MYO1B: variants seen among roughly 807,000 people sequenced by gnomAD.
MYO1B encodes myosin IB.
Under a neutral mutation model 159.7 loss-of-function variants are expected in MYO1B, and 72 were observed. The ratio of observed to expected loss-of-function variants is 0.45; its 90% CI spans 0.37 to 0.55. The LOEUF (loss-of-function observed/expected upper bound fraction) is 0.55. Ranked by LOEUF, MYO1B falls within the 20% of genes least tolerant of loss-of-function variation. The probability of loss-of-function intolerance (pLI) is 0.00; values close to 1 mark genes in which losing one functional copy is unlikely to be tolerated. For synonymous variants in MYO1B, 468 were observed against 473.8 expected (o/e 0.99, Z 0.16); for missense variants, 1,062 against 1,364.8 (o/e 0.78, Z 3.50).
chr2:191,369,361 G>A (rs1018685566), intron 11 of MYO1B, among the ~76,000 whole-genome samples, 181 bp from the exon 12 acceptor site: 1 of 152,166 alleles, frequency 6.6e-6, no homozygotes, highest in Non-Finnish European at 1.5e-5. Context: ...GTGTAACTGT[G>A]TATAAACAAT....
chr2:191,369,043 A>G (rs952667239), intron 11 of MYO1B, among the ~76,000 whole-genome samples: 1 of 152,166 alleles, frequency 6.6e-6, no homozygotes, highest in Non-Finnish European at 1.5e-5. Flanking sequence ...AGTCAAAGCC[A>G]TTTTCATATA....
intron 21 of MYO1B, among the ~76,000 whole-genome samples, chr2:191,398,824 G>A (rs1284559217): frequency 6.6e-6 from 1 of 151,696 alleles, no homozygotes; most frequent in African/African-American, 2.4e-5. Context: ...CCAGACGATG[G>A]GCGGCCAGGC....
chr2:191,328,181 T>C (rs1691226742), intron 3 of MYO1B, among the ~76,000 whole-genome samples: 1 of 152,174 alleles, frequency 6.6e-6, no homozygotes. Context: ...TTAAGTCCAA[T>C]TGTGAATCCT....
rs757408431 is a variant in MYO1B at position 191,277,042 on chromosome 2, C to G, written c.135+12C>G. On this transcript the variant is annotated intron_variant, in intron 2 of 30. Transcript: ENST00000392318. ...ACAGTGAAATATACGTAAGTACACACGAAGGTCATCTGTAATGTTTAGACT... is the reference window on the plus strand; with the variant it reads ...ACAGTGAAATATACGTAAGTACACAGGAAGGTCATCTGTAATGTTTAGACT... 6.2e-7 allele frequency: 1 copy of G among 1,611,422 alleles called. No homozygotes were observed. The highest frequency in any genetic ancestry group is 1.1e-5 in the South Asian group (1 of 90,550).
chr2:191,348,024 G>A (rs775791562), intron 6 of MYO1B, among the ~76,000 whole-genome samples: 2 of 152,088 alleles, frequency 1.3e-5, no homozygotes, highest in African/African-American at 2.4e-5. Flanking sequence ...CACAGTGTCC[G>A]CTCCCCACCA....
intron 1 of MYO1B, among the ~76,000 whole-genome samples, chr2:191,260,278 T>G (rs1389408648): frequency 6.8e-6 from 1 of 148,012 alleles, no homozygotes; most frequent in African/African-American, 2.5e-5. Flanking sequence ...GAATTAAAGC[T>G]ATATAGAAGT....
chr2:191,395,863 C>G (rs759321021), intron 20 of MYO1B, among the ~76,000 whole-genome samples: 4 of 152,234 alleles, frequency 2.6e-5, no homozygotes, highest in African/African-American at 9.6e-5. Flanking sequence ...CAGTCAGATG[C>G]ACATTTATAT....
chr2:191,327,628 A>G (rs886981510), intron 3 of MYO1B, among the ~76,000 whole-genome samples: 4 of 152,276 alleles, frequency 2.6e-5, no homozygotes, highest in East Asian at 3.9e-4. Context: ...CCATTATGCA[A>G]TGGTGCACAG....
chr2:191,404,604 GAT>G (rs1696802052), intron 24 of MYO1B, among the ~76,000 whole-genome samples: 1 of 152,120 alleles, frequency 6.6e-6, no homozygotes, highest in Non-Finnish European at 1.5e-5. Context: ...ATACCTCAGA[GAT>G]ATTGCAGGCT....
chr2:191,409,821 A>C (rs1314025037), intron 26 of MYO1B, among the ~76,000 whole-genome samples: 2 of 152,218 alleles, frequency 1.3e-5, no homozygotes, highest in East Asian at 3.9e-4. Flanking sequence ...ATAGATGTTG[A>C]CCTTACTTCG....
intron 4 of MYO1B, 137 bp from the exon 5 acceptor site, chr2:191,341,324 C>A: frequency 1.7e-6 from 1 of 593,508 alleles, no homozygotes. Context: ...GAAAGGTATC[C>A]AAAACATTAT....
At chr2:191,315,543 A>T (rs958899208) in intron 3 of MYO1B, among the ~76,000 whole-genome samples, 2 of 152,208 alleles carry the variant, frequency 1.3e-5, no homozygotes, top group South Asian at 4.1e-4. Context: ...TGAACTTTTC[A>T]TTTCCTGGTA....
Position 191,370,301 on chromosome 2 carries a change from T to A in MYO1B, c.1185+9T>A. The A allele has an allele frequency of 1.2e-6, 2 of 1,608,316 alleles. No homozygotes were observed. Among genetic ancestry groups the A allele is most frequent in the South Asian group, 2.2e-5 (2 of 90,848 alleles). On this transcript the variant is annotated intron_variant, in intron 13 of 30. Coordinates refer to ENST00000392318, the MANE Select transcript of MYO1B (RefSeq NM_001130158.3). ...GCTTTGAGATTTTCGAGGTAAGATT[T>A]AAAATTTTTTTTGTATTGTCTTTAG...
intron 7 of MYO1B, among the ~76,000 whole-genome samples, chr2:191,351,368 C>CAG (rs1206396830): frequency 6.6e-6 from 1 of 152,088 alleles, no homozygotes; most frequent in East Asian, 1.9e-4. Flanking sequence ...CCGGCACTCT[C>CAG]AGATGCCACT....
At chr2:191,415,289 A>G (rs1439438515) in intron 29 of MYO1B, among the ~76,000 whole-genome samples, 7 of 152,256 alleles carry the variant, frequency 4.6e-5, no homozygotes, top group Non-Finnish European at 2.9e-5. Context: ...CACATAACAC[A>G]TAGTCACTGA....
intron 13 of MYO1B, among the ~76,000 whole-genome samples, 187 bp downstream of exon 13, chr2:191,370,479 G>A (rs1383996421): frequency 6.6e-6 from 1 of 150,462 alleles, no homozygotes; most frequent in African/African-American, 2.5e-5. Flanking sequence ...AAATTTGGTT[G>A]TGTATTCCTG....
chr2:191,325,021 A>T (rs1231313714), intron 3 of MYO1B, among the ~76,000 whole-genome samples: 1 of 152,158 alleles, frequency 6.6e-6, no homozygotes, highest in African/African-American at 2.4e-5. Flanking sequence ...TCCATGCAAA[A>T]CACACCATAC....
At chr2:191,351,026 T>C (rs755369066) in intron 7 of MYO1B, among the ~76,000 whole-genome samples, 42 of 152,114 alleles carry the variant, frequency 2.8e-4, no homozygotes, top group Admixed American at 1.4e-3. Context: ...AAATGTAAGA[T>C]GATGACTCAG....
At chr2:191,268,160 C>G (rs139979004) in intron 1 of MYO1B, among the ~76,000 whole-genome samples, 7 of 152,110 alleles carry the variant, frequency 4.6e-5, no homozygotes, top group African/African-American at 1.7e-4. Context: ...TACCATGGAC[C>G]GGGTGGCTTA....
Sources: gnomAD v4.1 joint callset for allele counts (sites outside exome capture counted in the v4.1 genomes callset) on GRCh38, gnomAD v4.1.1 for gene constraint, MANE v1.5 for transcripts, NCBI Gene and HGNC (gene_info 2026-07-23, HGNC 2026-07-21) for gene names.